EML4: variants seen among roughly 807,000 people sequenced by gnomAD.
EML4 encodes the protein EMAP like 4.
A neutral mutation model predicts 129.0 loss-of-function variants in EML4; 72 were observed. That is an observed-to-expected ratio of 0.56 (90% confidence interval 0.46 to 0.68). The LOEUF is 0.68. Ranked by LOEUF, EML4 falls within the 30% of genes least tolerant of loss-of-function variation. EML4 has a pLI of 0.00. For synonymous variants in EML4, 532 were observed against 405.0 expected (o/e 1.31, Z -3.77); for missense variants, 1,363 against 1,190.6 (o/e 1.14, Z -2.13).
chr2:42,197,838 A>T (rs1208527070), intron 1 of EML4, among the ~76,000 whole-genome samples: 1 of 152,182 alleles, frequency 6.6e-6, no homozygotes, highest in Non-Finnish European at 1.5e-5. Context: ...TCCACCTCAA[A>T]CCTTGTGTAC....
chr2:42,243,940 G>A (rs143835464), intron 1 of EML4, among the ~76,000 whole-genome samples: 3,752 of 152,220 alleles, frequency 0.025, 527 homozygotes, highest in Admixed American at 0.23. Flanking sequence ...TGATCTCAGT[G>A]TGGTCCAAAC....
rs1196913611 is a variant in EML4, at chr2:42,245,683, TA to T, written c.207del (p.Gly70AlafsTer14). 1 of 1,606,194 alleles carries T rather than the reference TA, an allele frequency of 6.2e-7. No individual in the cohort carries two copies. Among genetic ancestry groups the T allele is most frequent in the Non-Finnish European group, 8.5e-7 (1 of 1,176,558 alleles). On this transcript the variant is annotated frameshift_variant, in exon 2 of 23. Transcript: ENST00000318522. LOFTEE classifies it high-confidence loss of function. Reference sequence around the variant, plus strand: ...CCTCAGTGAAAAAATCAGTCTCAAGTAAAGGTAATTGTGTTGTAAAGTTAAA... The same window carrying T: ...CCTCAGTGAAAAAATCAGTCTCAAGTAAGGTAATTGTGTTGTAAAGTTAAA... ...VASVKKSVSSKGQPSPRAVIP... is the reference protein window; with the variant it reads ...VASVKKSVSSXGQPSPRAVIP...
chr2:42,313,621 G>C (rs1430747678), intron 17 of EML4, among the ~76,000 whole-genome samples: 4 of 151,982 alleles, frequency 2.6e-5, no homozygotes, highest in Non-Finnish European at 4.4e-5. Flanking sequence ...TAGTTATAGT[G>C]CTTTAAAATG....
intron 2 of EML4, among the ~76,000 whole-genome samples, chr2:42,249,293 A>AT (rs10699779): frequency 1.3e-5 from 2 of 151,252 alleles, no homozygotes; most frequent in African/African-American, 4.9e-5. Context: ...TTTATGTGTG[A>AT]TTTTTTAGCC....
At chr2:42,321,634 C>T (rs1669528934) in intron 19 of EML4, among the ~76,000 whole-genome samples, 1 of 152,026 alleles carries the variant, frequency 6.6e-6, no homozygotes, top group Non-Finnish European at 1.5e-5. Context: ...CCTGGAAGCC[C>T]CACACAATGA....
At position 42,316,030 on chromosome 2, in the gene EML4, CTG is replaced by C; in HGVS notation, c.2039_2040del (p.Val680AspfsTer16). On this transcript the variant is annotated frameshift_variant, in exon 18 of 23. Transcript: ENST00000318522. LOFTEE classifies it high-confidence loss of function. ...CACACAGACGGGAATGAACAGCTCT[CTG>C]TGATGCGCTACTCAATAGGTAGGCA... 1.2e-6 allele frequency: 2 copies of C among 1,613,536 alleles called. No homozygotes were observed. Among genetic ancestry groups the C allele is most frequent in the Non-Finnish European group, 1.7e-6 (2 of 1,179,532 alleles).
At chr2:42,274,179 T>A (rs1666528240) in intron 6 of EML4, among the ~76,000 whole-genome samples, 1 of 152,198 alleles carries the variant, frequency 6.6e-6, no homozygotes, top group Admixed American at 6.5e-5. Context: ...TTGCAGAAAT[T>A]AAGTAGCATC....
At chr2:42,186,674 A>G (rs564669133) in intron 1 of EML4, among the ~76,000 whole-genome samples, 11 of 152,194 alleles carry the variant, frequency 7.2e-5, no homozygotes, top group Non-Finnish European at 1.3e-4. Flanking sequence ...TCATTATCAA[A>G]TGCATTCTCG....
chr2:42,281,027 A>G, intron 7 of EML4, 54 bp downstream of exon 7: 1 of 1,401,022 alleles, frequency 7.1e-7, no homozygotes, highest in Non-Finnish European at 9.6e-7. Flanking sequence ...TAGTTAACAA[A>G]TCAGTTAACG....
intron 1 of EML4, among the ~76,000 whole-genome samples, chr2:42,174,919 G>A (rs1375539725): frequency 6.6e-6 from 1 of 151,512 alleles, no homozygotes; most frequent in Non-Finnish European, 1.5e-5. Context: ...CCGGGTTTAG[G>A]CAGTTATCTG....
chr2:42,238,085 A>T (rs546505592), intron 1 of EML4, among the ~76,000 whole-genome samples: 1 of 152,342 alleles, frequency 6.6e-6, no homozygotes, highest in South Asian at 2.1e-4. Flanking sequence ...ACTGTATAAA[A>T]TTACCTTCGG....
At chr2:42,174,441 C>T (rs1229025895) in intron 1 of EML4, among the ~76,000 whole-genome samples, 1 of 152,012 alleles carries the variant, frequency 6.6e-6, no homozygotes, top group Non-Finnish European at 1.5e-5. Context: ...CAGTTGTGTA[C>T]CACCACACCT....
intron 11 of EML4, among the ~76,000 whole-genome samples, chr2:42,293,444 A>G (rs1235587314): frequency 1.3e-5 from 2 of 152,196 alleles, no homozygotes; most frequent in African/African-American, 4.8e-5. Flanking sequence ...GTGCTTATGC[A>G]AAGGCCCTTA....
intron 3 of EML4, among the ~76,000 whole-genome samples, chr2:42,258,998 G>A (rs71441188): frequency 1.3e-5 from 2 of 152,194 alleles, no homozygotes; most frequent in Non-Finnish European, 2.9e-5. Context: ...TGTAATCCCA[G>A]CACTTTGGGA....
intron 1 of EML4, among the ~76,000 whole-genome samples, chr2:42,215,955 C>T (rs2104062429): frequency 6.6e-6 from 1 of 151,598 alleles, no homozygotes; most frequent in Admixed American, 6.6e-5. Flanking sequence ...GAGTCTAGCT[C>T]TGTCACCCAG....
At chr2:42,258,234 G>A (rs1315873059) in intron 3 of EML4, among the ~76,000 whole-genome samples, 3 of 152,080 alleles carry the variant, frequency 2.0e-5, no homozygotes, top group Admixed American at 1.3e-4. Flanking sequence ...TAAAACTAGT[G>A]ACCTCTGTAA....
intron 3 of EML4, 24 bp downstream of exon 3, chr2:42,256,654 A>G (rs1279283222): frequency 1.2e-6 from 2 of 1,612,644 alleles, no homozygotes; most frequent in Admixed American, 3.4e-5. Flanking sequence ...AAAGGGGGAA[A>G]AACTAACATT....
chr2:42,189,955 A>G (rs554200944), intron 1 of EML4, among the ~76,000 whole-genome samples: 4 of 152,080 alleles, frequency 2.6e-5, no homozygotes, highest in Admixed American at 6.5e-5. Flanking sequence ...AAAATTCCCA[A>G]TCTGAAATGC....
chr2:42,203,200 C>T (rs576928654), intron 1 of EML4, among the ~76,000 whole-genome samples: 34 of 152,144 alleles, frequency 2.2e-4, no homozygotes, highest in Non-Finnish European at 3.8e-4. Flanking sequence ...CATTGTGTCC[C>T]ATAAGTACAT....
Sources: allele counts gnomAD v4.1 joint callset (sites outside exome capture counted in the v4.1 genomes callset), GRCh38; gene constraint gnomAD v4.1.1; transcripts MANE v1.5; gene names NCBI Gene and HGNC (gene_info 2026-07-23, HGNC 2026-07-21).